ABCB1: variants seen among roughly 807,000 people sequenced by gnomAD.
ABCB1 encodes ATP-dependent translocase ABCB1.
Under a neutral mutation model 142.0 loss-of-function variants are expected in ABCB1, and 69 were observed. That is an observed-to-expected ratio of 0.49 (90% CI 0.40 to 0.59). The LOEUF (loss-of-function observed/expected upper bound fraction) is 0.59, where lower values mean the gene tolerates loss of function less well. Among genes scored for constraint, ABCB1 ranks in the 20% least tolerant of loss-of-function variants. The pLI is 0.00. For missense variants in ABCB1, 1,326 were observed against 1,554.7 expected, an observed-to-expected ratio of 0.85 and a Z score of 2.47; for synonymous variants, 532 against 539.2, an observed-to-expected ratio of 0.99 and a Z score of 0.18.
intron 1 of ABCB1, among the ~76,000 whole-genome samples, chr7:87,614,985 G>A (rs1475330667): frequency 1.3e-5 from 2 of 152,016 alleles, no homozygotes; most frequent in East Asian, 3.9e-4. Flanking sequence ...AGCTGGACTA[G>A]AGGTGCCCGC....
intron 1 of ABCB1, among the ~76,000 whole-genome samples, chr7:87,657,237 G>A (rs908708708): frequency 6.6e-6 from 1 of 152,052 alleles, no homozygotes; most frequent in Non-Finnish European, 1.5e-5. Context: ...TCCCAGACTG[G>A]GTGTTGGATA....
chr7:87,628,050 C>T (rs1820779027), intron 1 of ABCB1, among the ~76,000 whole-genome samples: 1 of 152,218 alleles, frequency 6.6e-6, no homozygotes, highest in South Asian at 2.1e-4. Flanking sequence ...CGGCGCGCTG[C>T]TTTCTAGGCA....
chr7:87,566,634 G>T, intron 6 of ABCB1, 151 bp downstream of exon 6: 1 of 780,726 alleles, frequency 1.3e-6, no homozygotes, highest in South Asian at 1.6e-5. Context: ...ACAAAAGGAT[G>T]CACACGACAT....
intron 1 of ABCB1, among the ~76,000 whole-genome samples, chr7:87,702,163 A>C (rs1259803196): frequency 2.0e-5 from 3 of 149,928 alleles, no homozygotes; most frequent in East Asian, 1.9e-4. Flanking sequence ...AAAAAAAAAA[A>C]AAAAAAAAAC....
intron 3 of ABCB1, among the ~76,000 whole-genome samples, chr7:87,595,473 G>C (rs1466762851): frequency 1.3e-5 from 2 of 152,046 alleles, no homozygotes; most frequent in African/African-American, 2.4e-5. Flanking sequence ...CTATGTGATT[G>C]GTTTCCTCTA....
Position 87,516,508 on chromosome 7 carries a change from C to T in ABCB1, c.3084+1G>A. The T allele has an allele frequency of 6.2e-7, 1 of 1,614,164 alleles. No homozygotes were observed. The highest frequency in any genetic ancestry group is 8.5e-7 in the Non-Finnish European group (1 of 1,180,022). On this transcript the variant is annotated splice_donor_variant, in intron 24 of 27. Coordinates refer to ENST00000622132, the MANE Select transcript of ABCB1 (RefSeq NM_001348946.2). LOFTEE classifies it high-confidence loss of function. ...TCAAACAGTTGAAACATCAAACTCACCGGCATTAGGCCTTCCGTGCTGTAG... is the reference window on the plus strand; with the variant it reads ...TCAAACAGTTGAAACATCAAACTCATCGGCATTAGGCCTTCCGTGCTGTAG...
chr7:87,549,294 G>A, intron 14 of ABCB1, 54 bp downstream of exon 14: 1 of 1,606,746 alleles, frequency 6.2e-7, no homozygotes, highest in Non-Finnish European at 8.5e-7. Flanking sequence ...AGAATTAGTA[G>A]TAGAATGTTC....
chr7:87,548,232 AAGGGAAGGGAAGGGAAAG>A (rs1816892730), intron 14 of ABCB1, among the ~76,000 whole-genome samples: 1 of 129,856 alleles, frequency 7.7e-6, no homozygotes, highest in East Asian at 2.3e-4. Flanking sequence ...AAGGGAAAGG[AAGGGAAGGGAAGGGAAAG>A]AAAGGGAAGG....
intron 3 of ABCB1, 62 bp from the exon 4 acceptor site, chr7:87,585,742 T>C: frequency 6.4e-7 from 1 of 1,564,160 alleles, no homozygotes; most frequent in Non-Finnish European, 8.7e-7. Context: ...GAAGATTTGC[T>C]TTTCCTTCAA....
intron 25 of ABCB1, among the ~76,000 whole-genome samples, chr7:87,513,372 TTTA>T (rs1177647274): frequency 2.0e-5 from 3 of 152,218 alleles, no homozygotes; most frequent in Non-Finnish European, 4.4e-5. Context: ...CTGTCCATGT[TTTA>T]TTATGTTCTG....
intron 19 of ABCB1, among the ~76,000 whole-genome samples, chr7:87,538,591 A>C (rs565669920): frequency 6.6e-6 from 1 of 152,278 alleles, no homozygotes; most frequent in South Asian, 2.1e-4. Flanking sequence ...TAAAACGGAA[A>C]GTTATTAGGT....
At chr7:87,523,044 C>T (rs1283861049) in intron 21 of ABCB1, among the ~76,000 whole-genome samples, 1 of 151,964 alleles carries the variant, frequency 6.6e-6, no homozygotes, top group Non-Finnish European at 1.5e-5. Context: ...AACATTTGTC[C>T]ATATTGAATT....
intron 26 of ABCB1, 89 bp downstream of exon 26, chr7:87,509,186 C>A: frequency 7.3e-7 from 1 of 1,376,884 alleles, no homozygotes; most frequent in Non-Finnish European, 1.0e-6. Context: ...TTTCTCTTCA[C>A]TTCTGGGAGA....
In ABCB1 at chr7:87,549,770, G is replaced by A. The variant is rs2235035; in HGVS notation, c.1554+81C>T. The A allele has an allele frequency of 0.31, 464,813 of 1,494,278 alleles. 74,142 individuals carry two copies. Among genetic ancestry groups the A allele is most frequent in the Admixed American group, 0.35 (20,899 of 59,746 alleles). 92.6% of individuals were successfully genotyped at this position (1,494,278 alleles called of 1,614,324 possible). Reference sequence around the variant, plus strand: ...AGGATTTCCCTTCTTCCGATTTATAGTAGTTTCCTAACTTCCTGCATAGTA... The same window carrying A: ...AGGATTTCCCTTCTTCCGATTTATAATAGTTTCCTAACTTCCTGCATAGTA... On this transcript the variant is annotated intron_variant, in intron 13 of 27. Coordinates refer to ENST00000622132, the MANE Select transcript of ABCB1 (RefSeq NM_001348946.2).
chr7:87,705,318 T>C (rs113686434), intron 1 of ABCB1, among the ~76,000 whole-genome samples: 21,667 of 151,914 alleles, frequency 0.14, 2,447 homozygotes, highest in African/African-American at 0.31. Context: ...CCCAGCTACT[T>C]GGGAGGCTGA....
intron 1 of ABCB1, among the ~76,000 whole-genome samples, chr7:87,689,668 T>C (rs1217890167): frequency 1.3e-5 from 2 of 152,162 alleles, no homozygotes; most frequent in Non-Finnish European, 1.5e-5. Flanking sequence ...TAGTGGACTT[T>C]GTTCATTTTA....
intron 20 of ABCB1, among the ~76,000 whole-genome samples, chr7:87,533,398 A>G (rs1023453080): frequency 6.6e-6 from 1 of 152,186 alleles, no homozygotes; most frequent in Non-Finnish European, 1.5e-5. Flanking sequence ...TCAGACATAT[A>G]AATGTGCAGC....
chr7:87,532,114 T>G (rs938895212), intron 20 of ABCB1, among the ~76,000 whole-genome samples: 2 of 152,154 alleles, frequency 1.3e-5, no homozygotes, highest in African/African-American at 2.4e-5. Flanking sequence ...AATCCACCAC[T>G]GTATAATGTC....
At chr7:87,626,908 T>C (rs2130140816) in intron 1 of ABCB1, among the ~76,000 whole-genome samples, 1 of 152,114 alleles carries the variant, frequency 6.6e-6, no homozygotes, top group East Asian at 1.9e-4. Context: ...ACCGAGTAGC[T>C]GCCACTACAG....
Sources: gnomAD v4.1 joint callset for allele counts (sites outside exome capture counted in the v4.1 genomes callset) on GRCh38, gnomAD v4.1.1 for gene constraint, MANE v1.5 for transcripts, NCBI Gene and HGNC (gene_info 2026-07-23, HGNC 2026-07-21) for gene names.